Variants in CCDC152 observed in about 807,000 individuals in gnomAD.
CCDC152 encodes the protein coiled-coil domain containing 152, also known as coiled-coil domain-containing protein 152.
CCDC152 carries 37 observed loss-of-function variants against 38.1 expected under a neutral mutation model. The ratio of observed to expected loss-of-function variants is 0.97; its 90% confidence interval spans 0.75 to 1.28. The LOEUF (loss-of-function observed/expected upper bound fraction) is 1.28, where lower values mean the gene tolerates loss of function less well. Among genes scored for constraint, CCDC152 ranks in the 50% most tolerant of loss-of-function variants. The probability of loss-of-function intolerance (pLI) is 0.00; values close to 1 mark genes in which losing one functional copy is unlikely to be tolerated. For missense variants in CCDC152, 259 were observed against 292.1 expected (o/e 0.89, Z 0.83); for synonymous variants, 83 against 87.1 (o/e 0.95, Z 0.26).
intron 2 of CCDC152, among the ~76,000 whole-genome samples, chr5:42,762,144 C>T (rs1162849156): frequency 6.6e-6 from 1 of 152,150 alleles, no homozygotes; most frequent in Non-Finnish European, 1.5e-5. Flanking sequence ...GCAAGTGTAA[C>T]ATAATGGTAA....
Position 42,799,318 on chromosome 5 carries a change from A to G in CCDC152, c.559-57A>G. 1.0e-5 allele frequency: 9 copies of G among 896,124 alleles called. No individual in the cohort carries two copies. The South Asian group carries it at 1.5e-4, about 14-fold the overall frequency. The allele number at this position is 896,124 out of a possible 1,614,324, so 55.5% of individuals were successfully genotyped here. A position where few individuals can be genotyped will look rare whatever the true frequency, so the allele number is the denominator to read the frequency against. ...AGGATAACATGGATTATAATTATAG[A>G]AACAATTGTTTCTAATTGTCTAGAG... On this transcript the variant is annotated intron_variant, in intron 7 of 8. Transcript: ENST00000361970.
intron 3 of CCDC152, 63 bp from the exon 4 acceptor site, chr5:42,769,534 T>C (rs1759670167): frequency 2.2e-6 from 3 of 1,390,282 alleles, no homozygotes; most frequent in Non-Finnish European, 2.9e-6. Context: ...TAATTTCAAC[T>C]GAGAGAATAA....
chr5:42,769,162 T>C, intron 3 of CCDC152, among the ~76,000 whole-genome samples: 1 of 151,894 alleles, frequency 6.6e-6, no homozygotes. Flanking sequence ...GGCAGGAGAA[T>C]TACTTGAGCC....
intron 1 of CCDC152, among the ~76,000 whole-genome samples, chr5:42,757,991 C>T (rs1759503785): frequency 6.6e-6 from 1 of 152,048 alleles, no homozygotes; most frequent in Non-Finnish European, 1.5e-5. Context: ...TAATTTTACT[C>T]CAAAAGGAAT....
chr5:42,764,296 G>A (rs1001631417), intron 3 of CCDC152, among the ~76,000 whole-genome samples: 1 of 152,090 alleles, frequency 6.6e-6, no homozygotes, highest in African/African-American at 2.4e-5. Context: ...TGTAATCCCA[G>A]TTACTCGGGA....
At chr5:42,774,325 C>A (rs1759742370) in intron 4 of CCDC152, among the ~76,000 whole-genome samples, 1 of 152,142 alleles carries the variant, frequency 6.6e-6, no homozygotes, top group African/African-American at 2.4e-5. Context: ...CCTGTGAGAG[C>A]TCTACTAAGA....
chr5:42,773,031 T>C (rs1759721785), intron 4 of CCDC152, among the ~76,000 whole-genome samples: 1 of 152,230 alleles, frequency 6.6e-6, no homozygotes, highest in African/African-American at 2.4e-5. Flanking sequence ...GACTATGTTC[T>C]TCTGGTTGTT....
At chr5:42,763,015 C>T (rs932769619) in intron 3 of CCDC152, among the ~76,000 whole-genome samples, 3 of 152,212 alleles carry the variant, frequency 2.0e-5, no homozygotes, top group Admixed American at 1.3e-4. Flanking sequence ...ATTGAACATA[C>T]CTGGTTCCCA....
At chr5:42,770,000 G>T (rs1342376225) in intron 4 of CCDC152, among the ~76,000 whole-genome samples, 1 of 152,150 alleles carries the variant, frequency 6.6e-6, no homozygotes, top group African/African-American at 2.4e-5. Flanking sequence ...GATATTACTA[G>T]TTAAACCATA....
At chr5:42,779,324 G>A in intron 4 of CCDC152, 134 bp from the exon 5 acceptor site, 1 of 636,604 alleles carries the variant, frequency 1.6e-6, no homozygotes, top group Non-Finnish European at 2.9e-6. Flanking sequence ...GTCTAGCATG[G>A]TGCCTGAAGT....
At position 42,772,649 on chromosome 5, in the gene CCDC152, CAAAA is replaced by C. The variant is rs71608661; in HGVS notation, c.262+2998_262+3001del. ...CTGGCTGCAGAACGAGACTCCGTCTCAAAAAAAAAAAAAAAAATAGCCATTCTTA... is the reference window on the plus strand; with the variant it reads ...CTGGCTGCAGAACGAGACTCCGTCTCAAAAAAAAAAAAATAGCCATTCTTA... On this transcript the variant is annotated intron_variant, in intron 4 of 8. Coordinates refer to ENST00000361970, the MANE Select transcript of CCDC152 (RefSeq NM_001134848.2). Among the ~76,000 whole-genome samples the C allele has an allele frequency of 1.4e-3, 182 of 128,450 alleles. 3 individuals carry two copies. The highest frequency in any genetic ancestry group is 0.012 in the Admixed American group (160 of 12,890). The allele number at this position is 128,450 out of a possible 152,430, so 84.3% of individuals were successfully genotyped here.
chr5:42,795,487 G>A (rs1192350422), intron 6 of CCDC152, among the ~76,000 whole-genome samples: 1 of 152,128 alleles, frequency 6.6e-6, no homozygotes, highest in African/African-American at 2.4e-5. Flanking sequence ...TGCAAAATTA[G>A]TAATGATATA....
Position 42,799,707 on chromosome 5 carries a change from C to A in CCDC152, c.691C>A (p.Arg231Ser). The change falls in exon 9 of 9, where the codon CGT becomes AGT. Residue 231 changes from arginine to serine, a missense_variant. Transcript: ENST00000361970. ...EEKNKEIAIL[R>S]NTIRDLEQRL... ...AAAAAACAAGGAGATTGCAATTCTT[C>A]GTAATACCATTCGCGATTTAGAGCA... The A allele has an allele frequency of 6.4e-7, 1 of 1,550,456 alleles. No homozygotes were observed. Among genetic ancestry groups the A allele is most frequent in the Non-Finnish European group, 8.7e-7 (1 of 1,146,122 alleles).
chr5:42,761,804 A>ACC (rs879852586), intron 2 of CCDC152, among the ~76,000 whole-genome samples: 24 of 152,162 alleles, frequency 1.6e-4, no homozygotes, highest in Non-Finnish European at 3.4e-4. Flanking sequence ...CTGAGAGTTG[A>ACC]ATAGTTGGAA....
chr5:42,788,497 T>C (rs1204532008), intron 6 of CCDC152, among the ~76,000 whole-genome samples: 1 of 152,082 alleles, frequency 6.6e-6, no homozygotes, highest in African/African-American at 2.4e-5. Context: ...CAACCTCAGG[T>C]AAACTGCCTG....
At chr5:42,797,614 A>G (rs994287098) in intron 7 of CCDC152, among the ~76,000 whole-genome samples, 6 of 152,208 alleles carry the variant, frequency 3.9e-5, no homozygotes, top group African/African-American at 1.4e-4. Context: ...CCATTCCAGC[A>G]TGGGAAGAAT....
chr5:42,774,462 C>T (rs1179972450), intron 4 of CCDC152, among the ~76,000 whole-genome samples: 1 of 152,170 alleles, frequency 6.6e-6, no homozygotes, highest in Non-Finnish European at 1.5e-5. Flanking sequence ...GCTATTTTAT[C>T]TGAGCCTAAA....
chr5:42,778,987 A>G (rs1322720296), intron 4 of CCDC152, among the ~76,000 whole-genome samples: 3 of 152,144 alleles, frequency 2.0e-5, no homozygotes, highest in Non-Finnish European at 4.4e-5. Context: ...ACACTTCAAC[A>G]ATACCGTACG....
intron 6 of CCDC152, among the ~76,000 whole-genome samples, chr5:42,794,973 T>C (rs1436547631): frequency 6.6e-6 from 1 of 152,152 alleles, no homozygotes; most frequent in African/African-American, 2.4e-5. Context: ...ATAGTTATTC[T>C]GTCTAAATGA....
Sources: gnomAD v4.1 joint callset for allele counts (sites outside exome capture counted in the v4.1 genomes callset) on GRCh38, gnomAD v4.1.1 for gene constraint, MANE v1.5 for transcripts, NCBI Gene and HGNC (gene_info 2026-07-23, HGNC 2026-07-21) for gene names.